CRMP1: variants seen among roughly 807,000 people sequenced by gnomAD.
CRMP1 encodes dihydropyrimidinase-related protein 1.
CRMP1 carries 19 observed loss-of-function variants against 68.3 expected under a neutral mutation model. The ratio of observed to expected loss-of-function variants is 0.28; its 90% CI spans 0.19 to 0.41. The LOEUF is 0.41. Ranked by LOEUF, CRMP1 falls within the 10% of genes least tolerant of loss-of-function variation. The pLI, the probability that CRMP1 is intolerant of heterozygous loss-of-function variation, is 1.00. For synonymous variants in CRMP1, 439 were observed against 399.6 expected (o/e 1.10, Z -1.18); for missense variants, 791 against 967.4 (o/e 0.82, Z 2.42).
intron 3 of CRMP1, among the ~76,000 whole-genome samples, chr4:5,857,675 A>G (rs1713239129): frequency 6.6e-6 from 1 of 152,218 alleles, no homozygotes; most frequent in African/African-American, 2.4e-5. Context: ...AAGAGGGTAA[A>G]GCAATTGTCC....
At position 5,855,959 on chromosome 4, in the gene CRMP1, T is replaced by C. The variant is rs1713023898; in HGVS notation, c.820+184A>G. Among the ~76,000 whole-genome samples the C allele has an allele frequency of 6.6e-6, 1 of 152,158 alleles. No homozygotes were observed. Among genetic ancestry groups the C allele is most frequent in the African/African-American group, 2.4e-5 (1 of 41,436 alleles). ...AGAACAAGGACACCCCCAGAGGTTT[T>C]CAAGGAGAAAAGGATGGACTCTGTA... On this transcript the variant is annotated intron_variant, in intron 4 of 13. Coordinates refer to ENST00000324989, the MANE Select transcript of CRMP1 (RefSeq NM_001014809.3). This position sits in a 1 kb window ranked among gnomAD's most constrained non-coding sequence, Gnocchi z 4.9.
At position 5,838,647 on chromosome 4, in the gene CRMP1, G is replaced by C. The variant is rs919962363; in HGVS notation, c.1310+875C>G. 6.6e-6 allele frequency among the ~76,000 whole-genome samples: 1 copy of C among 152,142 alleles called. No individual in the cohort carries two copies. Among genetic ancestry groups the C allele is most frequent in the Non-Finnish European group, 1.5e-5 (1 of 68,022 alleles). On this transcript the variant is annotated intron_variant, in intron 9 of 13. Transcript: ENST00000324989. The surrounding 1 kb of genome is among the most constrained non-coding windows in gnomAD (Gnocchi z 4.9). ...GGAAGATCTGCAGTTCTTTGTAAAC[G>C]TGAGCTGCCCACCAGACATTGGACT...
intron 11 of CRMP1, among the ~76,000 whole-genome samples, chr4:5,832,645 C>G (rs765586200): frequency 6.6e-6 from 1 of 152,136 alleles, no homozygotes; most frequent in Non-Finnish European, 1.5e-5. Flanking sequence ...CAGACAAAAT[C>G]CTTTGGTCAA....
At chr4:5,884,459 C>A (rs1182515426) in intron 1 of CRMP1, among the ~76,000 whole-genome samples, 2 of 147,482 alleles carry the variant, frequency 1.4e-5, no homozygotes, top group Non-Finnish European at 3.0e-5. Flanking sequence ...TACACACTGG[C>A]ACTCACACAC....
At chr4:5,827,415 C>T (rs1224680540) in intron 12 of CRMP1, among the ~76,000 whole-genome samples, 1 of 152,180 alleles carries the variant, frequency 6.6e-6, no homozygotes, top group Non-Finnish European at 1.5e-5. Context: ...TGTCTTTGAC[C>T]TGGTGCTACA....
chr4:5,833,971 G>A (rs539171556), intron 11 of CRMP1, among the ~76,000 whole-genome samples: 48 of 152,298 alleles, frequency 3.2e-4, no homozygotes, highest in Non-Finnish European at 4.9e-4. Flanking sequence ...GCGTGAACCC[G>A]GGAGGCGGAG....
chr4:5,885,044 G>T (rs1456173790), intron 1 of CRMP1, among the ~76,000 whole-genome samples: 1 of 151,348 alleles, frequency 6.6e-6, no homozygotes, highest in Non-Finnish European at 1.5e-5. Flanking sequence ...CACAGTCCTT[G>T]GGGGCAGGAG....
In CRMP1 at chr4:5,888,146, C is replaced by A; in HGVS notation, c.381+4443G>T. ...GCCTCGGGGGGCGCCCCTGCCGGCG[C>A]CCCGTGGATCTGGACCCTGCCGGGC... On this transcript the variant is annotated intron_variant, in intron 1 of 13. Transcript: ENST00000324989. This position sits in a 1 kb window ranked among gnomAD's most constrained non-coding sequence, Gnocchi z 6.4. The A allele has an allele frequency of 1.6e-6, 2 of 1,225,760 alleles. No homozygotes were observed. Among genetic ancestry groups the A allele is most frequent in the Non-Finnish European group, 2.0e-6 (2 of 982,720 alleles). The allele number at this position is 1,225,760 out of a possible 1,614,324, so 75.9% of individuals were successfully genotyped here. A position where few individuals can be genotyped will look rare whatever the true frequency, so the allele number is the denominator to read the frequency against.
At position 5,866,652 on chromosome 4, in the gene CRMP1, G is replaced by A. The variant is rs200993871; in HGVS notation, c.470+16C>T. The A allele has an allele frequency of 2.3e-4, 370 of 1,603,374 alleles. No homozygotes were observed. The highest frequency in any genetic ancestry group is 2.8e-4 in the Non-Finnish European group (330 of 1,173,916). On this transcript the variant is annotated intron_variant, in intron 2 of 13. Coordinates refer to ENST00000324989, the MANE Select transcript of CRMP1 (RefSeq NM_001014809.3). This position sits in a 1 kb window ranked among gnomAD's most constrained non-coding sequence, Gnocchi z 5.9. ...GCGACACAGGTTTCTTAAAAGGTCC[G>A]TTTTGATCAACCCACTTGATAAGTC...
At chr4:5,844,246 C>T (rs1263026192) in intron 6 of CRMP1, among the ~76,000 whole-genome samples, 2 of 151,630 alleles carry the variant, frequency 1.3e-5, no homozygotes, top group Non-Finnish European at 2.9e-5. Context: ...GTTTACAAAG[C>T]ATTTTTAGAA....
rs1189539798 is a variant in CRMP1 at position 5,851,489 on chromosome 4, A to G, written c.821-20T>C. ...TGACGCCTGTTTCAAGATAGAAAGG[A>G]TAGAAAAATATGTTTAAGAAAAAAC... On this transcript the variant is annotated intron_variant, in intron 4 of 13. Coordinates refer to ENST00000324989, the MANE Select transcript of CRMP1 (RefSeq NM_001014809.3). 6.2e-7 allele frequency: 1 copy of G among 1,609,272 alleles called. No homozygotes were observed. Among genetic ancestry groups the G allele is most frequent in the Non-Finnish European group, 8.5e-7 (1 of 1,175,642 alleles).
At chr4:5,864,006 G>A (rs1483539184) in intron 2 of CRMP1, among the ~76,000 whole-genome samples, 2 of 152,164 alleles carry the variant, frequency 1.3e-5, no homozygotes, top group Admixed American at 6.5e-5. Context: ...TCAAGTAAAA[G>A]GGGATTACAA....
intron 12 of CRMP1, chr4:5,826,783 T>C (rs6446397): frequency 0.34 from 51,381 of 152,592 alleles, 14,113 homozygotes; most frequent in African/African-American, 0.77. Context: ...ACCCCAGGCC[T>C]GGCTCCCTCC....
intron 6 of CRMP1, among the ~76,000 whole-genome samples, chr4:5,848,502 T>G (rs752039231): frequency 1.3e-5 from 2 of 152,220 alleles, no homozygotes; most frequent in Non-Finnish European, 2.9e-5. Context: ...TTTCATTCTT[T>G]TCCCAACAAA....
At chr4:5,862,437 G>T (rs113467338) in intron 2 of CRMP1, among the ~76,000 whole-genome samples, 1 of 152,144 alleles carries the variant, frequency 6.6e-6, no homozygotes, top group African/African-American at 2.4e-5. Context: ...TTCTTCCCCA[G>T]TCCTTCTGCC....
chr4:5,822,668 A>C (rs1396000763), intron 13 of CRMP1, among the ~76,000 whole-genome samples: 1 of 152,214 alleles, frequency 6.6e-6, no homozygotes, highest in East Asian at 1.9e-4. Context: ...ATAATGCTGA[A>C]AGGTGGGAAG....
chr4:5,870,642 C>G lies in CRMP1; in HGVS notation c.382-3886G>C, dbSNP rs192421069. Among the ~76,000 whole-genome samples, 25 of 152,284 alleles carry G rather than the reference C, an allele frequency of 1.6e-4. No homozygotes were observed. The highest frequency in any genetic ancestry group is 5.1e-4 in the African/African-American group (21 of 41,558). On this transcript the variant is annotated intron_variant, in intron 1 of 13. Coordinates refer to ENST00000324989, the MANE Select transcript of CRMP1 (RefSeq NM_001014809.3). The surrounding 1 kb of genome is among the most constrained non-coding windows in gnomAD (Gnocchi z 6.0). ...AGAGAAAGGCATCACAGCTGTGAGC[C>G]GAGGAAGACCAGTGTGAAGAGGCAC...
chr4:5,870,958 G>A lies in CRMP1; in HGVS notation c.382-4202C>T, dbSNP rs531235572. ...GAACACGGCCGCCCCGCAGGCACCCGTCTGTCTTGTCACTATTAATAGGGG... is the reference window on the plus strand; with the variant it reads ...GAACACGGCCGCCCCGCAGGCACCCATCTGTCTTGTCACTATTAATAGGGG... On this transcript the variant is annotated intron_variant, in intron 1 of 13. Transcript: ENST00000324989. The surrounding 1 kb of genome is among the most constrained non-coding windows in gnomAD (Gnocchi z 6.0). 3.9e-5 allele frequency among the ~76,000 whole-genome samples: 6 copies of A among 152,272 alleles called. No individual in the cohort carries two copies. Among genetic ancestry groups the A allele is most frequent in the South Asian group, 4.1e-4 (2 of 4,820 alleles).
intron 13 of CRMP1, among the ~76,000 whole-genome samples, chr4:5,823,848 C>T (rs1029708213): frequency 5.3e-5 from 8 of 152,132 alleles, no homozygotes; most frequent in African/African-American, 1.7e-4. Context: ...TGTAAATGGA[C>T]GAAAACAGAC....
Sources: allele counts gnomAD v4.1 joint callset (sites outside exome capture counted in the v4.1 genomes callset), GRCh38; gene constraint gnomAD v4.1.1; non-coding constraint Gnocchi (gnomAD v3.1); transcripts MANE v1.5; gene names NCBI Gene and HGNC (gene_info 2026-07-23, HGNC 2026-07-21).